Variants in IL6ST observed in about 807,000 individuals in gnomAD.
IL6ST encodes the protein interleukin-6 receptor subunit beta.
IL6ST carries 24 observed loss-of-function variants against 91.3 expected under a neutral mutation model. That is an observed-to-expected ratio of 0.26 (90% CI 0.19 to 0.37). The LOEUF is 0.37. Ranked by LOEUF, IL6ST falls within the 10% of genes least tolerant of loss-of-function variation. IL6ST has a pLI of 1.00. For missense variants in IL6ST, 914 were observed against 1,078.5 expected (o/e 0.85, Z 2.14); for synonymous variants, 351 against 373.6 (o/e 0.94, Z 0.70).
rs1750526848 is a variant in IL6ST at position 55,936,344 on chromosome 5, T to TG, written c.*4737_*4738insC. On this transcript the variant is annotated 3_prime_UTR_variant, in exon 17 of 17. Transcript: ENST00000381298. ...TGGGCTCTTGACAACCAAGTAGGTT[T>TG]TTTTTTTTTTTTTTTTTTTTAATGT... is the stretch of plus-strand genomic sequence containing the variant. 1 of 164,068 alleles carries TG rather than the reference T, an allele frequency of 6.1e-6. No individual in the cohort carries two copies. Among genetic ancestry groups the TG allele is most frequent in the Non-Finnish European group, 1.3e-5 (1 of 78,148 alleles). The allele number at this position is 164,068 out of a possible 1,614,324, so 10.2% of individuals were successfully genotyped here.
intron 7 of IL6ST, among the ~76,000 whole-genome samples, chr5:55,962,856 T>C (rs1752402627): frequency 6.6e-6 from 1 of 152,166 alleles, no homozygotes; most frequent in Non-Finnish European, 1.5e-5. Flanking sequence ...AGCTCACATC[T>C]GTAATCCCAG....
At chr5:55,946,322 T>C (rs755273269) in intron 15 of IL6ST, among the ~76,000 whole-genome samples, 1 of 152,236 alleles carries the variant, frequency 6.6e-6, no homozygotes, top group Non-Finnish European at 1.5e-5. Flanking sequence ...GTTGAACATA[T>C]ACTTACCATA....
chr5:55,986,995 G>A (rs939621701), intron 1 of IL6ST, among the ~76,000 whole-genome samples: 2 of 152,174 alleles, frequency 1.3e-5, no homozygotes, highest in Admixed American at 6.5e-5. Flanking sequence ...TAAGACTCTC[G>A]CCTCTACAAA....
intron 7 of IL6ST, among the ~76,000 whole-genome samples, chr5:55,962,382 A>AAG (rs1156773598): frequency 3.9e-5 from 6 of 152,208 alleles, no homozygotes; most frequent in Admixed American, 3.3e-4. Context: ...CAAAACAGAG[A>AAG]AGAGTATGGA....
chr5:55,963,996 TTAAAATCTAAAAAAG>T (rs1279097021), intron 6 of IL6ST, 135 bp downstream of exon 6: 2 of 393,608 alleles, frequency 5.1e-6, no homozygotes, highest in Non-Finnish European at 8.8e-6. Context: ...TCTACATTAA[TTAAAATCTAAAAAAG>T]TAAAATCTAA....
Position 55,947,593 on chromosome 5 carries a change from A to AT in IL6ST, c.1841-5_1841-4insA, listed in dbSNP as rs754005509. 56 of 192,110 alleles carry AT rather than the reference A, an allele frequency of 2.9e-4. 1 individual carries two copies. Among genetic ancestry groups the AT allele is most frequent in the Non-Finnish European group, 4.3e-4 (55 of 127,554 alleles). The allele number at this position is 192,110 out of a possible 1,614,324, so 11.9% of individuals were successfully genotyped here. A position where few individuals can be genotyped will look rare whatever the true frequency, so the allele number is the denominator to read the frequency against. ...ATGGCTTCAATTTCTCCTTGAGCTT[A>AT]AAAAAAAAAAAAAAAAAAAAAAAAG... On this transcript the variant is annotated splice_polypyrimidine_tract_variant and splice_region_variant and intron_variant, in intron 14 of 16. Coordinates refer to ENST00000381298, the MANE Select transcript of IL6ST (RefSeq NM_002184.4).
rs146910467 is a variant in IL6ST at position 55,973,287 on chromosome 5, G to A, written c.64+2928C>T. On this transcript the variant is annotated intron_variant, in intron 3 of 16. Transcript: ENST00000381298. Reference sequence around the variant, plus strand: ...TCCCACGTTTTTCTTACGATGTCACGCATACTCTTTTCATGAAGAGGTGGG... The same window carrying A: ...TCCCACGTTTTTCTTACGATGTCACACATACTCTTTTCATGAAGAGGTGGG... Among the ~76,000 whole-genome samples the A allele has an allele frequency of 1.4e-3, 214 of 152,114 alleles. No homozygotes were observed. In the Middle Eastern group the frequency reaches 0.017, roughly 12 times the overall value.
At chr5:55,970,293 T>C (rs1416768321) in intron 3 of IL6ST, among the ~76,000 whole-genome samples, 5 of 152,244 alleles carry the variant, frequency 3.3e-5, no homozygotes, top group Admixed American at 6.5e-5. Context: ...ACAGTATACA[T>C]TGTCCACACA....
intron 1 of IL6ST, among the ~76,000 whole-genome samples, chr5:55,988,587 A>G (rs750172161): frequency 6.6e-6 from 1 of 150,856 alleles, no homozygotes; most frequent in Non-Finnish European, 1.5e-5. Flanking sequence ...ACCAACATAG[A>G]GAAACCCTGT....
At chr5:55,978,430 C>G (rs1245845389) in intron 2 of IL6ST, 1 of 152,330 alleles carries the variant, frequency 6.6e-6, no homozygotes, top group Admixed American at 6.5e-5. Context: ...TTCCAACATT[C>G]TTTAAAAGGT....
At chr5:55,969,165 T>G (rs2111809244) in intron 4 of IL6ST, among the ~76,000 whole-genome samples, 1 of 144,728 alleles carries the variant, frequency 6.9e-6, no homozygotes. Context: ...CCAGCCTGGG[T>G]GACAGAGCGA....
Position 55,937,201 on chromosome 5 carries a change from C to T in IL6ST, c.*3881G>A. Reference sequence around the variant, plus strand: ...CATCTATCACTATCGGCCTTAAATGCATCTCATCACACGACCCATCAACTT... The same window carrying T: ...CATCTATCACTATCGGCCTTAAATGTATCTCATCACACGACCCATCAACTT... On this transcript the variant is annotated 3_prime_UTR_variant, in exon 17 of 17. Transcript: ENST00000381298. The T allele has an allele frequency of 4.7e-6, 1 of 214,628 alleles. No individual in the cohort carries two copies. Among genetic ancestry groups the T allele is most frequent in the African/African-American group, 2.3e-5 (1 of 44,386 alleles). 13.3% of individuals were successfully genotyped at this position (214,628 alleles called of 1,614,324 possible).
At chr5:55,991,385 A>C (rs541352883) in intron 1 of IL6ST, among the ~76,000 whole-genome samples, 6 of 152,308 alleles carry the variant, frequency 3.9e-5, no homozygotes, top group African/African-American at 1.4e-4. Flanking sequence ...TCATCTATGC[A>C]GTACATTTTA....
intron 8 of IL6ST, among the ~76,000 whole-genome samples, chr5:55,957,794 A>T (rs927047070): frequency 6.6e-6 from 1 of 151,856 alleles, no homozygotes; most frequent in Non-Finnish European, 1.5e-5. Flanking sequence ...ATTTATAAAA[A>T]TTTTGAAAAA....
At chr5:55,943,663 G>T (rs1055205615) in intron 15 of IL6ST, among the ~76,000 whole-genome samples, 2 of 152,092 alleles carry the variant, frequency 1.3e-5, no homozygotes, top group Admixed American at 1.3e-4. Context: ...CATCTCAATA[G>T]ATTCAGAAAA....
intron 2 of IL6ST, among the ~76,000 whole-genome samples, chr5:55,976,970 C>T (rs1580850819): frequency 6.6e-6 from 1 of 152,044 alleles, no homozygotes; most frequent in African/African-American, 2.4e-5. Context: ...GAGCGTACTC[C>T]CCAAAATAAA....
rs1228215252 is a variant in IL6ST at position 55,937,341 on chromosome 5, A to G, written c.*3741T>C. The G allele has an allele frequency of 9.4e-6, 2 of 212,676 alleles. No individual in the cohort carries two copies. Among genetic ancestry groups the G allele is most frequent in the Admixed American group, 1.2e-4 (2 of 17,024 alleles). 13.2% of individuals were successfully genotyped at this position (212,676 alleles called of 1,614,324 possible). A position where few individuals can be genotyped will look rare whatever the true frequency, so the allele number is the denominator to read the frequency against. On this transcript the variant is annotated 3_prime_UTR_variant, in exon 17 of 17. Coordinates refer to ENST00000381298, the MANE Select transcript of IL6ST (RefSeq NM_002184.4). ...ACAGAAGAGCTCACCCTGAGCTGCCACCTTTTAATTTTTAATGCAATGTAT... is the reference window on the plus strand; with the variant it reads ...ACAGAAGAGCTCACCCTGAGCTGCCGCCTTTTAATTTTTAATGCAATGTAT...
chr5:55,992,848 C>T (rs1431983597), intron 1 of IL6ST, among the ~76,000 whole-genome samples: 4 of 152,186 alleles, frequency 2.6e-5, no homozygotes, highest in African/African-American at 4.8e-5. Context: ...TTCTGCATCA[C>T]TCTGCATTTA....
At position 55,976,203 on chromosome 5, in the gene IL6ST, C is replaced by A; in HGVS notation, c.64+12G>T. On this transcript the variant is annotated intron_variant, in intron 3 of 16. Coordinates refer to ENST00000381298, the MANE Select transcript of IL6ST (RefSeq NM_002184.4). ...TGTGAAGTTAGAAGATAGGGTATTT[C>A]ATGAACCTTACCTGTAGATTCAGTG... The A allele has an allele frequency of 6.7e-7, 1 of 1,498,862 alleles. No homozygotes were observed. The highest frequency in any genetic ancestry group is 1.3e-5 in the South Asian group (1 of 76,896). The allele number at this position is 1,498,862 out of a possible 1,614,324, so 92.8% of individuals were successfully genotyped here.
Sources: allele counts gnomAD v4.1 joint callset (sites outside exome capture counted in the v4.1 genomes callset), GRCh38; gene constraint gnomAD v4.1.1; transcripts MANE v1.5; gene names NCBI Gene and HGNC (gene_info 2026-07-23, HGNC 2026-07-21).